The following HTT variants were observed in gnomAD, a reference collection of about 807,000 sequenced individuals.
HTT encodes the protein huntington disease protein.
HTT carries 104 observed loss-of-function variants against 362.3 expected under a neutral mutation model. That is an observed-to-expected ratio of 0.29 (90% confidence interval 0.24 to 0.34). The LOEUF (loss-of-function observed/expected upper bound fraction) is 0.34, where lower values mean the gene tolerates loss of function less well. Ranked by LOEUF, HTT falls within the 10% of genes least tolerant of loss-of-function variation. HTT has a pLI of 1.00. For synonymous variants in HTT, 1,577 were observed against 1,548.7 expected, an observed-to-expected ratio of 1.02 and a Z score of -0.43; for missense variants, 3,301 against 3,928.6, an observed-to-expected ratio of 0.84 and a Z score of 4.27.
In HTT at chr4:3,240,339, C is replaced by T; in HGVS notation, c.*280C>T. The T allele has an allele frequency of 2.0e-6, 1 of 491,568 alleles. No homozygotes were observed. The highest frequency in any genetic ancestry group is 3.7e-6 in the Non-Finnish European group (1 of 272,798). 30.5% of individuals were successfully genotyped at this position (491,568 alleles called of 1,614,324 possible). A position where few individuals can be genotyped will look rare whatever the true frequency, so the allele number is the denominator to read the frequency against. On this transcript the variant is annotated 3_prime_UTR_variant, in exon 67 of 67. Transcript: ENST00000355072. ...CCCCATGTGGGTGACCAGGTCCTTT[C>T]TCCTGATAGTCACCTGCTGGTTGTT...
At chr4:3,229,493 C>A (rs1721124230) in intron 59 of HTT, among the ~76,000 whole-genome samples, 2 of 149,964 alleles carry the variant, frequency 1.3e-5, no homozygotes, top group Non-Finnish European at 3.0e-5. Context: ...ACACTACACA[C>A]ACGCCACGTG....
chr4:3,081,550 C>CTTT lies in HTT; in HGVS notation c.264-5366_264-5364dup, dbSNP rs770325842. 7.0e-3 allele frequency among the ~76,000 whole-genome samples: 594 copies of CTTT among 84,446 alleles called. 8 individuals are homozygous for CTTT. Among genetic ancestry groups the CTTT allele is most frequent in the Non-Finnish European group, 8.8e-3 (378 of 42,790 alleles). The allele number at this position is 84,446 out of a possible 152,430, so 55.4% of individuals were successfully genotyped here. A position where few individuals can be genotyped will look rare whatever the true frequency, so the allele number is the denominator to read the frequency against. On this transcript the variant is annotated intron_variant, in intron 1 of 66. Coordinates refer to ENST00000355072, the MANE Select transcript of HTT (RefSeq NM_001388492.1). The stretch of plus-strand genomic sequence containing the variant: ...ATAGGACCACATTTGGAAAGCATTT[C>CTTT]TTTTTTTTTTTTTTTTTTTTTTTTT...
chr4:3,232,306 G>A (rs938253359), intron 60 of HTT, among the ~76,000 whole-genome samples: 2 of 152,102 alleles, frequency 1.3e-5, no homozygotes, highest in South Asian at 2.1e-4. Context: ...TACCACTGCC[G>A]AGAACCTCAT....
intron 40 of HTT, among the ~76,000 whole-genome samples, chr4:3,193,773 T>G (rs1719126012): frequency 6.6e-6 from 1 of 152,226 alleles, no homozygotes; most frequent in Non-Finnish European, 1.5e-5. Flanking sequence ...TAACTTAAAT[T>G]TAAACAGCTC....
At chr4:3,090,150 T>C (rs1001596286) in intron 2 of HTT, among the ~76,000 whole-genome samples, 1 of 152,234 alleles carries the variant, frequency 6.6e-6, no homozygotes, top group African/African-American at 2.4e-5. Flanking sequence ...GACTAATTTT[T>C]GTCTCTAATG....
In HTT at chr4:3,131,448, A is replaced by G. The variant is rs141170616; in HGVS notation, c.2098+51A>G. On this transcript the variant is annotated intron_variant, in intron 15 of 66. Coordinates refer to ENST00000355072, the MANE Select transcript of HTT (RefSeq NM_001388492.1). ...GTTGAAGGAAATAACTAGGTTTCAG[A>G]GGTCAGCTTGGTGGCCTGTTTTTGC... 9.3e-4 allele frequency: 1,419 copies of G among 1,521,740 alleles called. 5 individuals carry two copies. The Middle Eastern group carries it at 0.013, about 13-fold the overall frequency. 94.3% of individuals were successfully genotyped at this position (1,521,740 alleles called of 1,614,324 possible).
At chr4:3,080,954 G>A (rs962784336) in intron 1 of HTT, among the ~76,000 whole-genome samples, 1 of 152,122 alleles carries the variant, frequency 6.6e-6, no homozygotes, top group African/African-American at 2.4e-5. Flanking sequence ...TCTTTATGTC[G>A]ATCCTGTGCC....
chr4:3,222,251 G>A (rs1237953552), intron 53 of HTT, 136 bp from the exon 54 acceptor site: 2 of 645,012 alleles, frequency 3.1e-6, no homozygotes, highest in Non-Finnish European at 5.5e-6. Context: ...TCATAGAACT[G>A]TGTGAGGTTT....
At chr4:3,093,293 AG>A (rs1262467291) in intron 2 of HTT, among the ~76,000 whole-genome samples, 1 of 152,216 alleles carries the variant, frequency 6.6e-6, no homozygotes, top group Admixed American at 6.5e-5. Context: ...TAGAGCAGGT[AG>A]GGTACTCAGA....
intron 13 of HTT, 126 bp from the exon 14 acceptor site, chr4:3,130,179 C>A: frequency 9.3e-7 from 1 of 1,080,662 alleles, no homozygotes; most frequent in Non-Finnish European, 1.3e-6. Flanking sequence ...TGAAAATGAC[C>A]AATTGAGGAA....
In HTT at chr4:3,175,151, T is replaced by C. The variant is rs770291928; in HGVS notation, c.4407+44T>C. On this transcript the variant is annotated intron_variant, in intron 33 of 66. Coordinates refer to ENST00000355072, the MANE Select transcript of HTT (RefSeq NM_001388492.1). ...TCATCCATCATACCTGTTCCTAATTTAGTACAAATTACCCTAAAAGACACT... is the reference window on the plus strand; with the variant it reads ...TCATCCATCATACCTGTTCCTAATTCAGTACAAATTACCCTAAAAGACACT... The C allele has an allele frequency of 2.6e-6, 4 of 1,531,610 alleles. No individual in the cohort carries two copies. In the East Asian group the frequency reaches 6.8e-5, roughly 26 times the overall value. 94.9% of individuals were successfully genotyped at this position (1,531,610 alleles called of 1,614,324 possible). A position where few individuals can be genotyped will look rare whatever the true frequency, so the allele number is the denominator to read the frequency against.
intron 37 of HTT, among the ~76,000 whole-genome samples, chr4:3,184,036 T>C (rs932751006): frequency 8.6e-5 from 13 of 151,448 alleles, no homozygotes; most frequent in Non-Finnish European, 4.4e-5. Flanking sequence ...AGCAAGTGAG[T>C]GAAGTCTATA....
intron 29 of HTT, among the ~76,000 whole-genome samples, chr4:3,168,903 C>G (rs1284689488): frequency 6.6e-6 from 1 of 151,968 alleles, no homozygotes; most frequent in Admixed American, 6.6e-5. Flanking sequence ...ATGATATGCC[C>G]TGATGTAGTT....
chr4:3,169,355 C>T (rs77024812), intron 29 of HTT, among the ~76,000 whole-genome samples: 5,702 of 152,108 alleles, frequency 0.037, 309 homozygotes, highest in African/African-American at 0.12. Context: ...TTCTGCCCTG[C>T]CTCCCTCCTT....
chr4:3,170,263 A>G, intron 29 of HTT, among the ~76,000 whole-genome samples: 1 of 152,098 alleles, frequency 6.6e-6, no homozygotes, highest in East Asian at 1.9e-4. Context: ...ATAATTTGTC[A>G]GATGGGTTGG....
At chr4:3,234,062 G>A (rs1721399997) in intron 61 of HTT, among the ~76,000 whole-genome samples, 1 of 152,230 alleles carries the variant, frequency 6.6e-6, no homozygotes, top group Admixed American at 6.5e-5. Context: ...GAGCAAAGAT[G>A]GGAAGGGGTC....
At chr4:3,161,023 C>A (rs1717414555) in intron 29 of HTT, among the ~76,000 whole-genome samples, 1 of 152,098 alleles carries the variant, frequency 6.6e-6, no homozygotes, top group African/African-American at 2.4e-5. Context: ...CTGCACCCAT[C>A]AACCCATCAC....
At chr4:3,115,249 T>C (rs1008894165) in intron 6 of HTT, 55 bp from the exon 7 acceptor site, 20 of 1,548,066 alleles carry the variant, frequency 1.3e-5, no homozygotes, top group Admixed American at 7.2e-5. Context: ...ATGTAATACA[T>C]GATAAGCTTC....
chr4:3,142,999 CTT>C, intron 23 of HTT, 113 bp downstream of exon 23: 1 of 736,426 alleles, frequency 1.4e-6, no homozygotes, highest in South Asian at 2.2e-5. Flanking sequence ...ACAGCTCTTA[CTT>C]ATCCATGAGG....
Sources: gnomAD v4.1 joint callset for allele counts (sites outside exome capture counted in the v4.1 genomes callset) on GRCh38, gnomAD v4.1.1 for gene constraint, MANE v1.5 for transcripts, NCBI Gene and HGNC (gene_info 2026-07-23, HGNC 2026-07-21) for gene names.